MMP15: variants seen among roughly 807,000 people sequenced by gnomAD.
MMP15 encodes matrix metalloproteinase-15.
In MMP15, 36 loss-of-function variants were observed where a neutral mutation model predicts 65.0. The ratio of observed to expected loss-of-function variants is 0.55; its 90% CI spans 0.42 to 0.73. MMP15 has a LOEUF of 0.73. Ranked by LOEUF, MMP15 falls within the 30% of genes least tolerant of loss-of-function variation. The pLI is 0.00. For synonymous variants in MMP15, 428 were observed against 410.2 expected (o/e 1.04, Z -0.52); for missense variants, 870 against 987.8 (o/e 0.88, Z 1.60).
Position 58,043,606 on chromosome 16 carries a change from G to A in MMP15, c.1549G>A (p.Ala517Thr), listed in dbSNP as rs1310100591. 2 of 1,611,594 alleles carry A rather than the reference G, an allele frequency of 1.2e-6. No homozygotes were observed. Among genetic ancestry groups the A allele is most frequent in the African/African-American group, 1.3e-5 (1 of 74,814 alleles). Reference protein sequence around the residue: ...WQGIPASPKGAFLSNDAAYTY... With the variant: ...WQGIPASPKGTFLSNDAAYTY... ...GGGGATCCCTGCCTCCCCTAAAGGG[G>A]CCTTCCTGAGCAATGACGCAGGTAC... Residue 517 changes from alanine to threonine, a missense_variant, in exon 9 of 10, where the codon GCC becomes ACC. By Grantham distance (58) the Ala-to-Thr change is moderately conservative. Coordinates refer to ENST00000219271, the MANE Select transcript of MMP15 (RefSeq NM_002428.4).
intron 1 of MMP15, among the ~76,000 whole-genome samples, chr16:58,035,276 G>A (rs1476887466): frequency 3.3e-5 from 5 of 152,254 alleles, no homozygotes; most frequent in Admixed American, 6.5e-5. Context: ...GACATTGCCA[G>A]TATCTTATTG....
rs1254228774 is a variant in MMP15 at position 58,037,579 on chromosome 16, C to T, written c.270C>T (p.Tyr90=). Residue 90 remains tyrosine (Y), a synonymous_variant, in exon 2 of 10, where the codon TAC becomes TAT. Coordinates refer to ENST00000219271, the MANE Select transcript of MMP15 (RefSeq NM_002428.4). ...ASALAEMQRF[Y]GIPVTGVLDE... ...CCCTTGCAGAGATGCAGCGCTTCTACGGGATCCCAGTCACCGGTGTGCTCG... is the reference window on the plus strand; with the variant it reads ...CCCTTGCAGAGATGCAGCGCTTCTATGGGATCCCAGTCACCGGTGTGCTCG... The T allele has an allele frequency of 6.8e-6, 11 of 1,614,214 alleles. No individual in the cohort carries two copies. The highest frequency in any genetic ancestry group is 1.7e-4 in the Middle Eastern group (1 of 6,058).
At chr16:58,031,767 G>A (rs1385410522) in intron 1 of MMP15, among the ~76,000 whole-genome samples, 1 of 149,986 alleles carries the variant, frequency 6.7e-6, no homozygotes, top group Non-Finnish European at 1.5e-5. Flanking sequence ...GACTAAGCAT[G>A]TGTGTCCTAG....
chr16:58,045,553 A>T lies in MMP15; in HGVS notation c.*107A>T. On this transcript the variant is annotated 3_prime_UTR_variant, in exon 10 of 10. Coordinates refer to ENST00000219271, the MANE Select transcript of MMP15 (RefSeq NM_002428.4). ...TAGGGGCCCCTCTCAGCCCTCACACACCCTGTCTGCCCCGCCCTCATTATT... is the reference window on the plus strand; with the variant it reads ...TAGGGGCCCCTCTCAGCCCTCACACTCCCTGTCTGCCCCGCCCTCATTATT... The T allele has an allele frequency of 1.1e-6, 1 of 877,796 alleles. No individual in the cohort carries two copies. The highest frequency in any genetic ancestry group is 1.8e-5 in the South Asian group (1 of 56,394). The allele number at this position is 877,796 out of a possible 1,614,324, so 54.4% of individuals were successfully genotyped here. A position where few individuals can be genotyped will look rare whatever the true frequency, so the allele number is the denominator to read the frequency against.
At position 58,046,194 on chromosome 16, in the gene MMP15, C is replaced by G. The variant is rs1011037277; in HGVS notation, c.*748C>G. The G allele has an allele frequency of 2.6e-5, 4 of 152,926 alleles. No individual in the cohort carries two copies. Among genetic ancestry groups the G allele is most frequent in the African/African-American group, 9.7e-5 (4 of 41,444 alleles). 9.5% of individuals were successfully genotyped at this position (152,926 alleles called of 1,614,324 possible). ...GCCCCTCTCCCCAGGGAAGCAGCAG[C>G]CTCGCCCCTGGCAGAGATGCCTCCC... On this transcript the variant is annotated 3_prime_UTR_variant, in exon 10 of 10. Transcript: ENST00000219271.
chr16:58,038,231 G>A (rs1351966807), intron 2 of MMP15, 35 bp from the exon 3 acceptor site: 1 of 1,607,926 alleles, frequency 6.2e-7, no homozygotes, highest in South Asian at 1.1e-5. Flanking sequence ...GTGGAGGGGA[G>A]GCTCCGTGCT....
Position 58,041,780 on chromosome 16 carries a change from C to G in MMP15, c.1074C>G (p.Ala358=). 1 of 1,610,972 alleles carries G rather than the reference C, an allele frequency of 6.2e-7. No homozygotes were observed. Among genetic ancestry groups the G allele is most frequent in the Non-Finnish European group, 8.5e-7 (1 of 1,178,686 alleles). ...PKPGPPVQPR[A]TERPDQYGPN... ...CGGGCCCCCCAGTCCAGCCCCGAGC[C>G]ACAGAGCGGCCCGACCAGTATGGCC... is the stretch of plus-strand genomic sequence containing the variant. The change falls in exon 6 of 10, where the codon GCC becomes GCG. Residue 358 remains alanine, a synonymous_variant. Transcript: ENST00000219271.
chr16:58,029,016 C>T (rs1175808637), intron 1 of MMP15, among the ~76,000 whole-genome samples: 1 of 152,218 alleles, frequency 6.6e-6, no homozygotes, highest in Non-Finnish European at 1.5e-5. Context: ...CCTCCCCCTA[C>T]CCCCTCCTCC....
chr16:58,026,408 G>A lies in MMP15; in HGVS notation c.58G>A (p.Asp20Asn), dbSNP rs1034356476. 11 of 1,430,412 alleles carry A rather than the reference G, an allele frequency of 7.7e-6. No homozygotes were observed. The highest frequency in any genetic ancestry group is 2.9e-5 in the Admixed American group (1 of 34,176). The allele number at this position is 1,430,412 out of a possible 1,614,324, so 88.6% of individuals were successfully genotyped here. Residue 20 changes from aspartate (D) to asparagine (N), a missense_variant, in exon 1 of 10, where the codon GAC (aspartate) becomes AAC (asparagine). Asp to Asn is a conservative substitution (Grantham distance 23). Coordinates refer to ENST00000219271, the MANE Select transcript of MMP15 (RefSeq NM_002428.4). ...RPGWTGSLLG[D>N]REEAARPRLL... is the part of the protein sequence containing the mutation. ...GGGCTGGACGGGCAGCCTCCTCGGC[G>A]ACCGGGAGGAGGCGGCGCGGCCGCG... is the stretch of plus-strand genomic sequence containing the variant.
chr16:58,027,193 C>T (rs1963834084), intron 1 of MMP15, among the ~76,000 whole-genome samples: 1 of 152,334 alleles, frequency 6.6e-6, no homozygotes, highest in Admixed American at 6.5e-5. Context: ...CAACAGCGCC[C>T]CTACGTCGAA....
chr16:58,033,313 C>T (rs1174051725), intron 1 of MMP15, among the ~76,000 whole-genome samples: 3 of 152,196 alleles, frequency 2.0e-5, no homozygotes, highest in African/African-American at 4.8e-5. Context: ...CAGCCTGGTC[C>T]GATAGCCCCA....
At position 58,026,264 on chromosome 16, in the gene MMP15, G is replaced by T; in HGVS notation, c.-87G>T. On this transcript the variant is annotated 5_prime_UTR_variant, in exon 1 of 10. Coordinates refer to ENST00000219271, the MANE Select transcript of MMP15 (RefSeq NM_002428.4). ...CCGAGGTCCGCGGCGCGCCTGCCGG[G>T]CCAGGAGCCAGGGAGCGTCGCAAGT... 1 of 1,226,888 alleles carries T rather than the reference G, an allele frequency of 8.2e-7. No individual in the cohort carries two copies. Among genetic ancestry groups the T allele is most frequent in the Non-Finnish European group, 1.0e-6 (1 of 980,574 alleles). 76.0% of individuals were successfully genotyped at this position (1,226,888 alleles called of 1,614,324 possible).
rs779940344 is a variant in MMP15, at chr16:58,044,999, C to A, written c.1571-8C>A. ...CCTGAAGCCACTCTGGCCTCCTTGCCCCTGCAGCCTACACCTACTTCTACA... is the reference window on the plus strand; with the variant it reads ...CCTGAAGCCACTCTGGCCTCCTTGCACCTGCAGCCTACACCTACTTCTACA... On this transcript the variant is annotated splice_polypyrimidine_tract_variant and splice_region_variant and intron_variant, in intron 9 of 9. Coordinates refer to ENST00000219271, the MANE Select transcript of MMP15 (RefSeq NM_002428.4). 1.9e-6 allele frequency: 3 copies of A among 1,613,212 alleles called. No individual in the cohort carries two copies. Among genetic ancestry groups the A allele is most frequent in the Non-Finnish European group, 2.5e-6 (3 of 1,179,922 alleles).
Position 58,026,412 on chromosome 16 carries a change from G to C in MMP15, c.62G>C (p.Arg21Pro). The change falls in exon 1 of 10, where the codon CGG becomes CCG. Residue 21 changes from arginine (R) to proline (P), a missense_variant. By Grantham distance (103) the Arg-to-Pro change is moderately radical. Transcript: ENST00000219271. Reference sequence around the variant, plus strand: ...TGGACGGGCAGCCTCCTCGGCGACCGGGAGGAGGCGGCGCGGCCGCGACTG... The same window carrying C: ...TGGACGGGCAGCCTCCTCGGCGACCCGGAGGAGGCGGCGCGGCCGCGACTG... ...PGWTGSLLGD[R>P]EEAARPRLLP... is the part of the protein sequence containing the mutation. 1.4e-6 allele frequency: 2 copies of C among 1,436,470 alleles called. No homozygotes were observed. The highest frequency in any genetic ancestry group is 1.8e-6 in the Non-Finnish European group (2 of 1,099,596). The allele number at this position is 1,436,470 out of a possible 1,614,324, so 89.0% of individuals were successfully genotyped here.
Position 58,043,459 on chromosome 16 carries a change from G to A in MMP15, c.1455-53G>A. 1.9e-6 allele frequency: 3 copies of A among 1,604,228 alleles called. No individual in the cohort carries two copies. In the South Asian group the frequency reaches 3.3e-5, roughly 18 times the overall value. ...AGAATCCACTGCCTGTGGGGAACGGGTCCTGGCCCAAGCAGGATCTCTAGG... is the reference window on the plus strand; with the variant it reads ...AGAATCCACTGCCTGTGGGGAACGGATCCTGGCCCAAGCAGGATCTCTAGG... On this transcript the variant is annotated intron_variant, in intron 8 of 9. Coordinates refer to ENST00000219271, the MANE Select transcript of MMP15 (RefSeq NM_002428.4).
At chr16:58,034,555 C>G (rs1438613307) in intron 1 of MMP15, among the ~76,000 whole-genome samples, 2 of 152,190 alleles carry the variant, frequency 1.3e-5, no homozygotes, top group Non-Finnish European at 2.9e-5. Context: ...CACACTTTCA[C>G]CGGTCAGGCA....
At position 58,045,460 on chromosome 16, in the gene MMP15, C is replaced by T. The variant is rs1481492752; in HGVS notation, c.*14C>T. On this transcript the variant is annotated 3_prime_UTR_variant, in exon 10 of 10. Transcript: ENST00000219271. Reference sequence around the variant, plus strand: ...GAGTGGGTCTGACCACCCAGCGCTCCTGCTAACGGTGCTCAGGGGGCGCCT... The same window carrying T: ...GAGTGGGTCTGACCACCCAGCGCTCTTGCTAACGGTGCTCAGGGGGCGCCT... 8.7e-6 allele frequency: 13 copies of T among 1,496,988 alleles called. No homozygotes were observed. The highest frequency in any genetic ancestry group is 1.2e-5 in the Non-Finnish European group (13 of 1,121,474). 92.7% of individuals were successfully genotyped at this position (1,496,988 alleles called of 1,614,324 possible). A position where few individuals can be genotyped will look rare whatever the true frequency, so the allele number is the denominator to read the frequency against.
At position 58,045,147 on chromosome 16, in the gene MMP15, G is replaced by T; in HGVS notation, c.1711G>T (p.Asp571Tyr). 1 of 1,599,216 alleles carries T rather than the reference G, an allele frequency of 6.3e-7. No individual in the cohort carries two copies. The highest frequency in any genetic ancestry group is 8.5e-7 in the Non-Finnish European group (1 of 1,173,276). Reference protein sequence around the residue: ...EHVEPGPRWPDVARPPFNPHG... With the variant: ...EHVEPGPRWPYVARPPFNPHG... ...CGTGGAGCCAGGCCCCCGATGGCCC[G>T]ACGTGGCCCGGCCGCCCTTCAACCC... Residue 571 changes from aspartate (D) to tyrosine (Y), a missense_variant, in exon 10 of 10, where the codon GAC becomes TAC. Asp to Tyr is a radical substitution (Grantham distance 160). Coordinates refer to ENST00000219271, the MANE Select transcript of MMP15 (RefSeq NM_002428.4).
rs750059510 is a variant in MMP15, at chr16:58,045,544, C to T, written c.*98C>T. ...GCCCCCAGGTAGGGGCCCCTCTCAG[C>T]CCTCACACACCCTGTCTGCCCCGCC... On this transcript the variant is annotated 3_prime_UTR_variant, in exon 10 of 10. Transcript: ENST00000219271. 1,811 of 931,754 alleles carry T rather than the reference C, an allele frequency of 1.9e-3. 7 individuals carry two copies. Among genetic ancestry groups the T allele is most frequent in the Non-Finnish European group, 2.5e-3 (1,599 of 639,580 alleles). 57.7% of individuals were successfully genotyped at this position (931,754 alleles called of 1,614,324 possible).
Sources: gnomAD v4.1 joint callset for allele counts (sites outside exome capture counted in the v4.1 genomes callset) on GRCh38, gnomAD v4.1.1 for gene constraint, MANE v1.5 for transcripts, NCBI Gene and HGNC (gene_info 2026-07-23, HGNC 2026-07-21) for gene names.